Variants in PDS5A observed in about 807,000 individuals in gnomAD.
The protein encoded by PDS5A is sister chromatid cohesion protein PDS5 homolog A.
A neutral mutation model predicts 167.1 loss-of-function variants in PDS5A; 42 were observed. That is an observed-to-expected ratio of 0.25 (90% CI 0.20 to 0.33). The LOEUF (loss-of-function observed/expected upper bound fraction) is 0.33. Ranked by LOEUF, PDS5A falls within the 10% of genes least tolerant of loss-of-function variation. The probability of loss-of-function intolerance (pLI) is 1.00; values close to 1 mark genes in which losing one functional copy is unlikely to be tolerated. For missense variants in PDS5A, 1,033 were observed against 1,605.9 expected (o/e 0.64, Z 6.10); for synonymous variants, 553 against 554.6 (o/e 1.00, Z 0.04).
At chr4:39,896,016 A>C (rs1578690107) in intron 16 of PDS5A, among the ~76,000 whole-genome samples, 1 of 140,082 alleles carries the variant, frequency 7.1e-6, no homozygotes, top group Non-Finnish European at 1.5e-5. Flanking sequence ...GAGCCACCAC[A>C]CCTGGCCCGG....
At chr4:39,843,645 C>T (rs915411261) in intron 30 of PDS5A, among the ~76,000 whole-genome samples, 2 of 151,898 alleles carry the variant, frequency 1.3e-5, no homozygotes, top group South Asian at 2.1e-4. Context: ...TGGAGGTTGC[C>T]GTGAGCTGAC....
intron 2 of PDS5A, among the ~76,000 whole-genome samples, chr4:39,968,903 G>A (rs1730242690): frequency 6.6e-6 from 1 of 151,476 alleles, no homozygotes; most frequent in Admixed American, 6.6e-5. Flanking sequence ...AGCCTCCTGA[G>A]TAGCTGGGAT....
chr4:39,924,941 A>C (rs746068383), intron 5 of PDS5A, among the ~76,000 whole-genome samples: 1 of 152,076 alleles, frequency 6.6e-6, no homozygotes, highest in Non-Finnish European at 1.5e-5. Flanking sequence ...GCAAAACTCT[A>C]TCTCTACTAA....
At position 39,976,661 on chromosome 4, in the gene PDS5A, T is replaced by A; in HGVS notation, c.-40-44A>T. The A allele has an allele frequency of 3.0e-6, 3 of 994,360 alleles. No individual in the cohort carries two copies. The South Asian group carries it at 4.9e-5, about 16-fold the overall frequency. The allele number at this position is 994,360 out of a possible 1,614,324, so 61.6% of individuals were successfully genotyped here. ...AAGTTCAGCGGGAAAGGGGCGACTT[T>A]GTAACCTCTTTTTTCATTTCAAATC... On this transcript the variant is annotated intron_variant, in intron 1 of 32. Transcript: ENST00000303538.
At chr4:39,945,622 A>G (rs1045575874) in intron 2 of PDS5A, among the ~76,000 whole-genome samples, 6 of 152,102 alleles carry the variant, frequency 3.9e-5, no homozygotes, top group East Asian at 1.9e-4. Flanking sequence ...TGTATTAGTT[A>G]TAACTACTAA....
At chr4:39,831,864 G>A (rs1400524004) in intron 32 of PDS5A, among the ~76,000 whole-genome samples, 5 of 76,680 alleles carry the variant, frequency 6.5e-5, no homozygotes, top group Non-Finnish European at 1.1e-4. Flanking sequence ...CAACAAGAGC[G>A]AAACTCGTCT....
At chr4:39,972,227 T>C (rs891116442) in intron 2 of PDS5A, among the ~76,000 whole-genome samples, 1 of 152,216 alleles carries the variant, frequency 6.6e-6, no homozygotes, top group Middle Eastern at 3.4e-3. Context: ...AAAAATAATA[T>C]TGAGACACGG....
intron 2 of PDS5A, among the ~76,000 whole-genome samples, chr4:39,944,178 C>CA (rs60344531): frequency 0.096 from 8,460 of 88,182 alleles, 427 homozygotes; most frequent in African/African-American, 0.13. Context: ...GACTCCGTCT[C>CA]AAAAAAAAAA....
intron 2 of PDS5A, among the ~76,000 whole-genome samples, chr4:39,956,839 T>G (rs1452048451): frequency 1.3e-5 from 2 of 152,044 alleles, no homozygotes; most frequent in Non-Finnish European, 2.9e-5. Context: ...ATCCAGCTAA[T>G]TTTTGTATTT....
At chr4:39,898,563 GA>G (rs533091119) in intron 15 of PDS5A, 35 bp from the exon 16 acceptor site, 13,979 of 999,456 alleles carry the variant, frequency 0.014, 3 homozygotes, top group South Asian at 0.025. Context: ...ATTAGAGAAG[GA>G]AAAAAAAAAA....
chr4:39,948,483 C>T lies in PDS5A; in HGVS notation c.139-20319G>A, dbSNP rs560067144. On this transcript the variant is annotated intron_variant, in intron 2 of 32. Transcript: ENST00000303538. ...GGGTTTATAGGCGCCTACCACCAGG[C>T]CCTGCTAATTTTTGTATTTTTAGTA... Among the ~76,000 whole-genome samples, 11 of 151,746 alleles carry T rather than the reference C, an allele frequency of 7.2e-5. No individual in the cohort carries two copies. In the South Asian group the frequency reaches 2.3e-3, roughly 32 times the overall value.
chr4:39,922,630 C>T lies in PDS5A; in HGVS notation c.646G>A (p.Ala216Thr). The T allele has an allele frequency of 6.3e-7, 1 of 1,579,260 alleles. No homozygotes were observed. Among genetic ancestry groups the T allele is most frequent in the Non-Finnish European group, 8.6e-7 (1 of 1,164,362 alleles). Reference sequence around the variant, plus strand: ...CTTCATACTTTACAGACCTTATGTGCAGGAATGAGGTTAATAAGAATGGAG... The same window carrying T: ...CTTCATACTTTACAGACCTTATGTGTAGGAATGAGGTTAATAAGAATGGAG... ...LDSILINLIP[A>T]HKNLNKQSFD... Residue 216 changes from alanine (A) to threonine (T), a missense_variant, in exon 6 of 33, where the codon GCA becomes ACA. This residue lies in a region of PDS5A where 388 missense variants were observed against 615.1 expected (regional missense o/e 0.63). Coordinates refer to ENST00000303538, the MANE Select transcript of PDS5A (RefSeq NM_001100399.2).
At chr4:39,842,742 A>G (rs1465244498) in intron 30 of PDS5A, among the ~76,000 whole-genome samples, 1 of 151,674 alleles carries the variant, frequency 6.6e-6, no homozygotes, top group African/African-American at 2.4e-5. Flanking sequence ...CAAACACCCC[A>G]TAAATATGTA....
chr4:39,892,591 A>G (rs1195724553), intron 16 of PDS5A, among the ~76,000 whole-genome samples: 2 of 152,196 alleles, frequency 1.3e-5, no homozygotes, highest in African/African-American at 4.8e-5. Flanking sequence ...ACACAATTCA[A>G]TGGAAATATT....
At chr4:39,892,382 C>A (rs191010588) in intron 16 of PDS5A, among the ~76,000 whole-genome samples, 1 of 152,210 alleles carries the variant, frequency 6.6e-6, no homozygotes, top group African/African-American at 2.4e-5. Context: ...TGCAAAGACG[C>A]TATCTTCTTC....
Position 39,960,728 on chromosome 4 carries a change from C to T in PDS5A, c.138+15712G>A, listed in dbSNP as rs149673553. Among the ~76,000 whole-genome samples the T allele has an allele frequency of 4.2e-3, 633 of 151,410 alleles. 6 individuals carry two copies. The highest frequency in any genetic ancestry group is 0.036 in the Admixed American group (548 of 15,108). Reference sequence around the variant, plus strand: ...TTTTTTTAACGGAGTCTCACTCTGTCGCCCAGGCTGGAGTGCAGTGGTGTG... The same window carrying T: ...TTTTTTTAACGGAGTCTCACTCTGTTGCCCAGGCTGGAGTGCAGTGGTGTG... On this transcript the variant is annotated intron_variant, in intron 2 of 32. Coordinates refer to ENST00000303538, the MANE Select transcript of PDS5A (RefSeq NM_001100399.2).
chr4:39,875,759 CCTAT>C (rs1446849499), intron 19 of PDS5A, among the ~76,000 whole-genome samples: 2 of 152,138 alleles, frequency 1.3e-5, no homozygotes, highest in African/African-American at 4.8e-5. Flanking sequence ...TTTCCTCTCT[CCTAT>C]CTGTTTAGTC....
chr4:39,908,728 T>A (rs1217294994), intron 10 of PDS5A, 188 bp from the exon 11 acceptor site: 9 of 559,074 alleles, frequency 1.6e-5, no homozygotes, highest in South Asian at 1.6e-4. Context: ...AACTGCACTT[T>A]AAACTCCCAA....
At chr4:39,906,032 T>G (rs1269887824) in intron 11 of PDS5A, among the ~76,000 whole-genome samples, 1 of 150,330 alleles carries the variant, frequency 6.7e-6, no homozygotes, top group African/African-American at 2.4e-5. Flanking sequence ...GATAAGAAAA[T>G]TAAACTATCA....
Sources: allele counts gnomAD v4.1 joint callset (sites outside exome capture counted in the v4.1 genomes callset), GRCh38; gene constraint gnomAD v4.1.1; regional missense constraint gnomAD v4.1.1; transcripts MANE v1.5; gene names NCBI Gene and HGNC (gene_info 2026-07-23, HGNC 2026-07-21).